Variants in KCNJ1 observed in about 807,000 individuals in gnomAD.
KCNJ1 encodes the protein ATP-sensitive inward rectifier potassium channel 1.
A neutral mutation model predicts 21.9 loss-of-function variants in KCNJ1; 24 were observed. That is an observed-to-expected ratio of 1.10 (90% CI 0.79 to 1.54). The LOEUF (loss-of-function observed/expected upper bound fraction) is 1.54, where lower values mean the gene tolerates loss of function less well. Among genes scored for constraint, KCNJ1 ranks in the 40% most tolerant of loss-of-function variants. The pLI, the probability that KCNJ1 is intolerant of heterozygous loss-of-function variation, is 0.00. For synonymous variants in KCNJ1, 152 were observed against 160.9 expected, an observed-to-expected ratio of 0.94 and a Z score of 0.42; for missense variants, 457 against 455.4, an observed-to-expected ratio of 1.00 and a Z score of -0.03.
In KCNJ1 at chr11:128,839,041, C is replaced by A; in HGVS notation, c.*84G>T. 1 of 1,252,910 alleles carries A rather than the reference C, an allele frequency of 8.0e-7. No individual in the cohort carries two copies. The highest frequency in any genetic ancestry group is 1.1e-6 in the Non-Finnish European group (1 of 871,478). 77.6% of individuals were successfully genotyped at this position (1,252,910 alleles called of 1,614,324 possible). Reference sequence around the variant, plus strand: ...TGAAGGCTCTCATCCTACTTTCGTACCCCTAAATTGTTGACTGCTTCATAA... The same window carrying A: ...TGAAGGCTCTCATCCTACTTTCGTAACCCTAAATTGTTGACTGCTTCATAA... On this transcript the variant is annotated 3_prime_UTR_variant, in exon 3 of 3. Coordinates refer to ENST00000392666, the MANE Select transcript of KCNJ1 (RefSeq NM_153766.3).
intron 1 of KCNJ1, among the ~76,000 whole-genome samples, chr11:128,860,304 G>C (rs1441781691): frequency 1.3e-5 from 2 of 152,226 alleles, no homozygotes; most frequent in Admixed American, 6.5e-5. Flanking sequence ...CTGTTGACTA[G>C]ACAGGCCGGC....
At chr11:128,858,878 ACTC>A (rs1329506435) in intron 1 of KCNJ1, among the ~76,000 whole-genome samples, 1 of 152,204 alleles carries the variant, frequency 6.6e-6, no homozygotes, top group East Asian at 1.9e-4. Context: ...ATTGGAAGAA[ACTC>A]ATTAAAACTC....
At position 128,839,324 on chromosome 11, in the gene KCNJ1, GC is replaced by G. The variant is rs1943227004; in HGVS notation, c.919del (p.Ala307LeufsTer3). 3 of 1,614,028 alleles carry G rather than the reference GC, an allele frequency of 1.9e-6. No homozygotes were observed. In the African/African-American group the frequency reaches 4.0e-5, roughly 22 times the overall value. On this transcript the variant is annotated frameshift_variant, in exon 3 of 3. Coordinates refer to ENST00000392666, the MANE Select transcript of KCNJ1 (RefSeq NM_153766.3). LOFTEE classifies it high-confidence loss of function. ...PEEVLWGYRFAPIVSKTKEGK... is the reference protein window; with the variant it reads ...PEEVLWGYRFXPIVSKTKEGK... ...TTCCTTTGTCTTGGATACTATGGGA[GC>G]AAAACGGTAGCCCCAAAGCACCTCC...
intron 1 of KCNJ1, among the ~76,000 whole-genome samples, chr11:128,856,744 C>T (rs140836425): frequency 8.5e-5 from 13 of 152,128 alleles, no homozygotes; most frequent in South Asian, 2.1e-4. Flanking sequence ...TCACCTCACA[C>T]GCAATCCATC....
At chr11:128,857,295 G>A (rs1336481152) in intron 1 of KCNJ1, among the ~76,000 whole-genome samples, 1 of 152,212 alleles carries the variant, frequency 6.6e-6, no homozygotes, top group Non-Finnish European at 1.5e-5. Flanking sequence ...ACTCCATCCT[G>A]TCTTGGCTTC....
chr11:128,849,193 G>A (rs1162770205), intron 2 of KCNJ1, among the ~76,000 whole-genome samples: 1 of 152,216 alleles, frequency 6.6e-6, no homozygotes, highest in African/African-American at 2.4e-5. Context: ...CTTATCCAAG[G>A]TCACAAAGCA....
intron 1 of KCNJ1, among the ~76,000 whole-genome samples, chr11:128,859,517 G>C (rs955042383): frequency 6.6e-6 from 1 of 152,182 alleles, no homozygotes; most frequent in African/African-American, 2.4e-5. Context: ...CCAAAGTGCT[G>C]GGATTACAGC....
At chr11:128,842,445 G>T in intron 2 of KCNJ1, 2 of 1,613,704 alleles carry the variant, frequency 1.2e-6, no homozygotes, top group Non-Finnish European at 1.7e-6. Context: ...AAGTGGTGCT[G>T]GTTGTTGGTC....
At chr11:128,840,720 T>C (rs1943268760) in intron 2 of KCNJ1, among the ~76,000 whole-genome samples, 1 of 152,276 alleles carries the variant, frequency 6.6e-6, no homozygotes, top group East Asian at 1.9e-4. Context: ...TATAGAAAAA[T>C]GAATAACTGA....
rs545701992 is a variant in KCNJ1 at position 128,849,003 on chromosome 11, G to C, written c.-22+1718C>G. Among the ~76,000 whole-genome samples the C allele has an allele frequency of 1.0e-3, 159 of 152,312 alleles. 1 individual carries two copies. Among genetic ancestry groups the C allele is most frequent in the African/African-American group, 3.7e-3 (155 of 41,562 alleles). On this transcript the variant is annotated intron_variant, in intron 2 of 2. Transcript: ENST00000392666. ...AGACACACGCTGCGGCAGTCTCAGT[G>C]AACAGCGCCCCCTGGAGCACGATGC...
At chr11:128,851,922 C>CG (rs1379462121) in intron 1 of KCNJ1, among the ~76,000 whole-genome samples, 3 of 152,206 alleles carry the variant, frequency 2.0e-5, no homozygotes, top group Non-Finnish European at 4.4e-5. Flanking sequence ...CAGAGCACCA[C>CG]GTGCTTGGGT....
At chr11:128,848,242 C>T (rs980671553) in intron 2 of KCNJ1, among the ~76,000 whole-genome samples, 46 of 147,094 alleles carry the variant, frequency 3.1e-4, no homozygotes, top group Non-Finnish European at 5.0e-4. Context: ...GAGCCAAGAT[C>T]GCACCACTGC....
chr11:128,841,393 A>G (rs1211317023), intron 2 of KCNJ1, among the ~76,000 whole-genome samples: 1 of 152,192 alleles, frequency 6.6e-6, no homozygotes, highest in Admixed American at 6.5e-5. Context: ...TATTTGCTCA[A>G]TTGATTTTTT....
At chr11:128,861,958 C>A (rs570890049) in intron 1 of KCNJ1, among the ~76,000 whole-genome samples, 1 of 152,216 alleles carries the variant, frequency 6.6e-6, no homozygotes, top group South Asian at 2.1e-4. Context: ...AGCTCTCGGC[C>A]GCGCTTCTCC....
chr11:128,862,495 G>A (rs1056695459), intron 1 of KCNJ1, among the ~76,000 whole-genome samples: 6 of 152,154 alleles, frequency 3.9e-5, no homozygotes, highest in African/African-American at 1.4e-4. Context: ...GTGTCCTACC[G>A]CCCCCTCCAT....
Position 128,839,680 on chromosome 11 carries a change from A to C in KCNJ1, c.564T>G (p.Leu188=). 2 of 1,613,268 alleles carry C rather than the reference A, an allele frequency of 1.2e-6. No individual in the cohort carries two copies. The highest frequency in any genetic ancestry group is 8.5e-7 in the Non-Finnish European group (1 of 1,179,798). The part of the protein sequence containing the change: ...NAVISKRGGK[L]CLLIRVANLR... ...GATTAGCCACTCGGATTAGGAGGCAAAGCTTCCCTCCCCGTTTGCTGATCA... is the reference window on the plus strand; with the variant it reads ...GATTAGCCACTCGGATTAGGAGGCACAGCTTCCCTCCCCGTTTGCTGATCA... The change falls in exon 3 of 3, where the codon CTT becomes CTG. Residue 188 remains leucine (L), a synonymous_variant. Transcript: ENST00000392666.
intron 1 of KCNJ1, among the ~76,000 whole-genome samples, chr11:128,858,279 G>T (rs984621567): frequency 1.3e-5 from 2 of 151,974 alleles, no homozygotes; most frequent in African/African-American, 4.8e-5. Context: ...AGACCAAGCA[G>T]AAGTGCCCAG....
At position 128,839,442 on chromosome 11, in the gene KCNJ1, G is replaced by A; in HGVS notation, c.802C>T (p.Leu268Phe). 6.2e-7 allele frequency: 1 copy of A among 1,614,200 alleles called. No individual in the cohort carries two copies. Among genetic ancestry groups the A allele is most frequent in the Non-Finnish European group, 8.5e-7 (1 of 1,180,042 alleles). Residue 268 changes from leucine (L) to phenylalanine (F), a missense_variant, in exon 3 of 3, where the codon CTC (leucine) becomes TTC (phenylalanine). By Grantham distance (22) the Leu-to-Phe change is conservative. Transcript: ENST00000392666. ...ACCACTAATTCAAAGTCCTGCTGGA[G>A]AAGGGTCTCCGCTGCCATGTGGAAG... Reference protein sequence around the residue: ...PFFHMAAETLLQQDFELVVFL... With the variant: ...PFFHMAAETLFQQDFELVVFL...
At chr11:128,854,647 A>G (rs1325164912) in intron 1 of KCNJ1, among the ~76,000 whole-genome samples, 1 of 152,182 alleles carries the variant, frequency 6.6e-6, no homozygotes, top group African/African-American at 2.4e-5. Context: ...CCCACTGTGC[A>G]TGTCCAGAGG....
Sources: allele counts gnomAD v4.1 joint callset (sites outside exome capture counted in the v4.1 genomes callset), GRCh38; gene constraint gnomAD v4.1.1; transcripts MANE v1.5; gene names NCBI Gene and HGNC (gene_info 2026-07-23, HGNC 2026-07-21).